KLHL18: variants seen among roughly 807,000 people sequenced by gnomAD.
KLHL18 encodes the protein kelch like family member 18, also known as kelch-like protein 18.
In KLHL18, 38 loss-of-function variants were observed where a neutral mutation model predicts 58.5. The ratio of observed to expected loss-of-function variants is 0.65; its 90% CI spans 0.50 to 0.85. The LOEUF (loss-of-function observed/expected upper bound fraction) is 0.85, where lower values mean the gene tolerates loss of function less well. Among genes scored for constraint, KLHL18 ranks in the 40% least tolerant of loss-of-function variants. KLHL18 has a pLI of 0.00. For missense variants in KLHL18, 624 were observed against 778.4 expected (o/e 0.80, Z 2.36); for synonymous variants, 303 against 301.9 (o/e 1.00, Z -0.04).
intron 3 of KLHL18, among the ~76,000 whole-genome samples, chr3:47,323,603 C>G (rs956964939): frequency 6.6e-6 from 1 of 152,194 alleles, no homozygotes; most frequent in Non-Finnish European, 1.5e-5. Context: ...GCTCTCCCTC[C>G]CCCTCAAGAG....
At chr3:47,329,219 TTTTG>T (rs1703796209) in intron 3 of KLHL18, among the ~76,000 whole-genome samples, 1 of 151,674 alleles carries the variant, frequency 6.6e-6, no homozygotes, top group African/African-American at 2.4e-5. Context: ...TTTGTTGTTG[TTTTG>T]TTTGTTTTTT....
intron 1 of KLHL18, among the ~76,000 whole-genome samples, chr3:47,286,860 C>T (rs1291324856): frequency 6.6e-6 from 1 of 152,170 alleles, no homozygotes; most frequent in Non-Finnish European, 1.5e-5. Flanking sequence ...ACTTAATCCC[C>T]CTAAATGGTA....
Position 47,336,636 on chromosome 3 carries a change from G to A in KLHL18, c.1000G>A (p.Val334Met). Residue 334 changes from valine to methionine, a missense_variant, in exon 7 of 10, where the codon GTG becomes ATG. Physicochemically the swap from Val to Met is conservative, Grantham distance 21. Coordinates refer to ENST00000232766, the MANE Select transcript of KLHL18 (RefSeq NM_025010.5). Reference protein sequence around the residue: ...TARSRVGVAVVNGLLYAIGGY... With the variant: ...TARSRVGVAVMNGLLYAIGGY... ...CCGCAGCCGCGTTGGCGTGGCTGTG[G>A]TGAACGGGCTTCTCTATGCCATCGG... is the stretch of plus-strand genomic sequence containing the variant. 6.2e-7 allele frequency: 1 copy of A among 1,614,264 alleles called. No individual in the cohort carries two copies. The highest frequency in any genetic ancestry group is 1.1e-5 in the South Asian group (1 of 91,090).
At chr3:47,290,248 G>A (rs1053185839) in intron 1 of KLHL18, among the ~76,000 whole-genome samples, 1 of 152,236 alleles carries the variant, frequency 6.6e-6, no homozygotes, top group Non-Finnish European at 1.5e-5. Flanking sequence ...GGGCAAAGAT[G>A]TGAATGTCCA....
At position 47,333,154 on chromosome 3, in the gene KLHL18, C is replaced by T; in HGVS notation, c.601-3C>T. 6.2e-7 allele frequency: 1 copy of T among 1,611,960 alleles called. No individual in the cohort carries two copies. The highest frequency in any genetic ancestry group is 8.5e-7 in the Non-Finnish European group (1 of 1,178,866). ...GCTGCCAGAACATCCACTCTCATGA[C>T]AGGTCTTTGAAGCTGCATTGGCCTG... On this transcript the variant is annotated splice_polypyrimidine_tract_variant and splice_region_variant and intron_variant, in intron 4 of 9. Transcript: ENST00000232766.
At chr3:47,297,041 C>G (rs1702911341) in intron 1 of KLHL18, among the ~76,000 whole-genome samples, 1 of 152,138 alleles carries the variant, frequency 6.6e-6, no homozygotes, top group Admixed American at 6.5e-5. Flanking sequence ...TGGGAAGCAG[C>G]CTGAATGTTT....
chr3:47,307,191 C>T (rs938591118), intron 1 of KLHL18, among the ~76,000 whole-genome samples: 1 of 152,200 alleles, frequency 6.6e-6, no homozygotes, highest in African/African-American at 2.4e-5. Flanking sequence ...CCTGCTTCAG[C>T]CTCCCAAGTA....
At chr3:47,305,334 G>GTTTTTTTTTTTTT (rs397744565) in intron 1 of KLHL18, among the ~76,000 whole-genome samples, 1 of 70,388 alleles carries the variant, frequency 1.4e-5, no homozygotes. Flanking sequence ...ATTTTGTCAA[G>GTTTTTTTTTTTTT]TTTTTTTTTT....
At chr3:47,283,178 T>A in intron 1 of KLHL18, 84 bp downstream of exon 1, 1 of 948,306 alleles carries the variant, frequency 1.1e-6, no homozygotes. Flanking sequence ...GAAAGAGAGG[T>A]CTAGCAGGGA....
intron 3 of KLHL18, among the ~76,000 whole-genome samples, chr3:47,325,856 G>T (rs1327834198): frequency 6.6e-6 from 1 of 150,664 alleles, no homozygotes; most frequent in African/African-American, 2.4e-5. Flanking sequence ...TGCCACCTCT[G>T]CCTCCCGAGC....
chr3:47,286,582 C>T (rs766448847), intron 1 of KLHL18, among the ~76,000 whole-genome samples: 1 of 152,148 alleles, frequency 6.6e-6, no homozygotes, highest in Admixed American at 6.5e-5. Context: ...TGTTGGACCT[C>T]ACCCAGAATT....
At chr3:47,329,681 C>T (rs1191895374) in intron 3 of KLHL18, among the ~76,000 whole-genome samples, 1 of 152,220 alleles carries the variant, frequency 6.6e-6, no homozygotes, top group Non-Finnish European at 1.5e-5. Flanking sequence ...TTACTTCTCA[C>T]CTTCTGACAG....
intron 1 of KLHL18, among the ~76,000 whole-genome samples, chr3:47,307,039 T>G (rs561418035): frequency 1.3e-4 from 20 of 152,334 alleles, no homozygotes; most frequent in African/African-American, 4.8e-4. Context: ...AATTATTTGT[T>G]GGTTTTATGT....
intron 1 of KLHL18, among the ~76,000 whole-genome samples, chr3:47,288,521 C>T (rs1057134193): frequency 5.9e-5 from 9 of 152,196 alleles, no homozygotes; most frequent in African/African-American, 2.2e-4. Flanking sequence ...TCTTTTCTAT[C>T]TTCCTGAATT....
intron 1 of KLHL18, among the ~76,000 whole-genome samples, chr3:47,302,311 C>T (rs1479283407): frequency 6.6e-6 from 1 of 152,062 alleles, no homozygotes; most frequent in African/African-American, 2.4e-5. Flanking sequence ...ATGGCGAAAC[C>T]CTGTCTCTAC....
At chr3:47,310,269 C>T (rs1274714471) in intron 1 of KLHL18, among the ~76,000 whole-genome samples, 1 of 152,168 alleles carries the variant, frequency 6.6e-6, no homozygotes, top group East Asian at 1.9e-4. Flanking sequence ...TGGTGAGGGC[C>T]TTCTGATTCC....
At chr3:47,307,501 A>G (rs963431190) in intron 1 of KLHL18, among the ~76,000 whole-genome samples, 1 of 151,996 alleles carries the variant, frequency 6.6e-6, no homozygotes, top group Admixed American at 6.6e-5. Context: ...TTTTCTTCCA[A>G]AATTTTGAAG....
Position 47,345,536 on chromosome 3 carries a change from G to A in KLHL18, c.*1595G>A, listed in dbSNP as rs942004066. ...TGGATAGGACCTAATGTAGCACAGC[G>A]GGACTCAAAGAGGAGGACATTTTCT... On this transcript the variant is annotated 3_prime_UTR_variant, in exon 10 of 10. Transcript: ENST00000232766. 2.6e-5 allele frequency: 4 copies of A among 152,764 alleles called. No individual in the cohort carries two copies. The highest frequency in any genetic ancestry group is 6.5e-5 in the Admixed American group (1 of 15,304). The allele number at this position is 152,764 out of a possible 1,614,324, so 9.5% of individuals were successfully genotyped here. A position where few individuals can be genotyped will look rare whatever the true frequency, so the allele number is the denominator to read the frequency against.
intron 1 of KLHL18, chr3:47,297,780 T>G: frequency 2.6e-6 from 1 of 380,168 alleles, no homozygotes; most frequent in Non-Finnish European, 5.2e-6. Context: ...TGAGGCACTG[T>G]GTTAAGTACT....
Sources: allele counts gnomAD v4.1 joint callset (sites outside exome capture counted in the v4.1 genomes callset), GRCh38; gene constraint gnomAD v4.1.1; transcripts MANE v1.5; gene names NCBI Gene and HGNC (gene_info 2026-07-23, HGNC 2026-07-21).